Variants in POLR2B observed in about 807,000 individuals in gnomAD.
The protein encoded by POLR2B is RNA polymerase II subunit B.
In POLR2B, 57 loss-of-function variants were observed where a neutral mutation model predicts 144.6. The observed-to-expected ratio is 0.39, with a 90% CI of 0.32 to 0.49. The LOEUF (loss-of-function observed/expected upper bound fraction) is 0.49, where lower values mean the gene tolerates loss of function less well. Among genes scored for constraint, POLR2B ranks in the 20% least tolerant of loss-of-function variants. The pLI, the probability that POLR2B is intolerant of heterozygous loss-of-function variation, is 0.83. For synonymous variants in POLR2B, 442 were observed against 469.8 expected, an observed-to-expected ratio of 0.94 and a Z score of 0.77; for missense variants, 595 against 1,467.4, an observed-to-expected ratio of 0.41 and a Z score of 9.71.
intron 10 of POLR2B, chr4:57,009,483 C>T (rs1723123816): frequency 6.6e-6 from 1 of 152,204 alleles, no homozygotes; most frequent in African/African-American, 2.4e-5. Context: ...GTTAATAATT[C>T]TGGCAAGTGA....
At chr4:57,014,147 T>G (rs919073780) in intron 13 of POLR2B, among the ~76,000 whole-genome samples, 6 of 152,204 alleles carry the variant, frequency 3.9e-5, no homozygotes, top group Non-Finnish European at 7.3e-5. Context: ...ACTTGGAACA[T>G]TTTTCTCTTT....
At chr4:56,996,260 GTGTATA>G (rs1454200249) in intron 6 of POLR2B, among the ~76,000 whole-genome samples, 8 of 71,914 alleles carry the variant, frequency 1.1e-4, no homozygotes, top group African/African-American at 5.1e-4. Context: ...GTGTGTGTGT[GTGTATA>G]TATATATATA....
rs1434323992 is a variant in POLR2B at position 57,023,377 on chromosome 4, G to A, written c.2563G>A (p.Ala855Thr). The change falls in exon 19 of 25, where the codon GCT becomes ACT. Residue 855 changes from alanine to threonine, a missense_variant. Around this residue, in one of 9 missense-constraint regions of POLR2B, gnomAD observed 75 missense variants for 100.0 expected, o/e 0.75. Transcript: ENST00000314595. This position sits in a 1 kb window ranked among gnomAD's most constrained non-coding sequence, Gnocchi z 4.3. ...CAAGCTGGATGATGATGGTTTGATA[G>A]CTCCAGGGGTTCGTGTATCAGGAGA... is the stretch of plus-strand genomic sequence containing the variant. ...YDKLDDDGLI[A>T]PGVRVSGDDV... The A allele has an allele frequency of 1.2e-6, 2 of 1,613,816 alleles. No homozygotes were observed. The highest frequency in any genetic ancestry group is 1.7e-6 in the Non-Finnish European group (2 of 1,179,744).
At chr4:56,982,509 G>T (rs1203186236) in intron 1 of POLR2B, among the ~76,000 whole-genome samples, 1 of 151,600 alleles carries the variant, frequency 6.6e-6, no homozygotes, top group Non-Finnish European at 1.5e-5. Context: ...AGAATTTGAG[G>T]CTACAGTGAG....
Position 56,994,276 on chromosome 4 carries a change from A to G in POLR2B, c.244-128A>G, listed in dbSNP as rs576696671. On this transcript the variant is annotated intron_variant, in intron 3 of 24. Transcript: ENST00000314595. ...CTTTGGGAAGTCCCCATTTCAGTAAAATGGATTAATTTTGCCAGTTTGTAG... is the reference window on the plus strand; with the variant it reads ...CTTTGGGAAGTCCCCATTTCAGTAAGATGGATTAATTTTGCCAGTTTGTAG... 1.1e-3 allele frequency: 693 copies of G among 605,560 alleles called. 1 individual carries two copies. The Middle Eastern group carries it at 0.014, about 12-fold the overall frequency. The allele number at this position is 605,560 out of a possible 1,614,324, so 37.5% of individuals were successfully genotyped here. A position where few individuals can be genotyped will look rare whatever the true frequency, so the allele number is the denominator to read the frequency against.
At chr4:56,981,804 T>C (rs1722164124) in intron 1 of POLR2B, among the ~76,000 whole-genome samples, 1 of 152,266 alleles carries the variant, frequency 6.6e-6, no homozygotes, top group African/African-American at 2.4e-5. Flanking sequence ...TTTTCATCTT[T>C]CATGTGCTTT....
At chr4:57,026,260 G>T (rs1354147641) in intron 23 of POLR2B, among the ~76,000 whole-genome samples, 2 of 151,580 alleles carry the variant, frequency 1.3e-5, no homozygotes, top group Non-Finnish European at 2.9e-5. Flanking sequence ...AAAAAATTTT[G>T]TAGAGACGGG....
At chr4:56,979,101 C>T (rs986943194) in intron 1 of POLR2B, 97 bp downstream of exon 1, 4 of 1,266,412 alleles carry the variant, frequency 3.2e-6, no homozygotes, top group South Asian at 2.4e-5. Context: ...TCCCATGCGC[C>T]GGCTGCACAG....
intron 6 of POLR2B, 62 bp from the exon 7 acceptor site, chr4:56,999,555 G>A: frequency 2.8e-6 from 3 of 1,053,310 alleles, no homozygotes; most frequent in Non-Finnish European, 4.2e-6. Context: ...AGTTCTCTTG[G>A]TGTTTTTATA....
intron 6 of POLR2B, 112 bp from the exon 7 acceptor site, chr4:56,999,505 T>G (rs1578569027): frequency 1.6e-6 from 1 of 622,312 alleles, no homozygotes; most frequent in Admixed American, 3.7e-5. Context: ...GGAGGCGTGC[T>G]TCTTTTGAAA....
At chr4:57,004,329 A>G (rs1560477556) in intron 7 of POLR2B, among the ~76,000 whole-genome samples, 1 of 148,378 alleles carries the variant, frequency 6.7e-6, no homozygotes, top group Non-Finnish European at 1.5e-5. Context: ...GATTATAGGC[A>G]TGAGCCTCCA....
At chr4:57,025,333 G>C (rs1314469796) in intron 22 of POLR2B, 44 bp from the exon 23 acceptor site, 2 of 1,454,024 alleles carry the variant, frequency 1.4e-6, no homozygotes, top group East Asian at 2.3e-5. Flanking sequence ...CTTTGACGTT[G>C]TTTAATTTTT....
chr4:57,001,038 A>C (rs765980326), intron 7 of POLR2B, among the ~76,000 whole-genome samples: 14 of 152,232 alleles, frequency 9.2e-5, no homozygotes, highest in Non-Finnish European at 1.6e-4. Context: ...ATTGAAAACT[A>C]TTAAGTAATA....
chr4:56,990,942 GTT>G (rs1283115195), intron 3 of POLR2B, 44 bp downstream of exon 3: 5 of 1,534,512 alleles, frequency 3.3e-6, no homozygotes, highest in Non-Finnish European at 3.5e-6. Context: ...AAGCGTATTG[GTT>G]TGAAATTTTA....
In POLR2B at chr4:56,990,600, C is replaced by G. The variant is rs1578559978; in HGVS notation, c.93-148C>G. The G allele has an allele frequency of 6.3e-6, 4 of 633,224 alleles. No homozygotes were observed. The East Asian group carries it at 1.1e-4, about 17-fold the overall frequency. The allele number at this position is 633,224 out of a possible 1,614,324, so 39.2% of individuals were successfully genotyped here. ...CGGTTTCATCCTTTTTAAGATACCT[C>G]ATAGTGTCTTGTTTAGTGGTTGACA... On this transcript the variant is annotated intron_variant, in intron 2 of 24. Transcript: ENST00000314595.
intron 2 of POLR2B, 53 bp from the exon 3 acceptor site, chr4:56,990,695 A>G: frequency 1.4e-6 from 2 of 1,449,546 alleles, no homozygotes; most frequent in Admixed American, 2.1e-5. Flanking sequence ...ATGGGGAATT[A>G]TGCTAGAAAT....
At chr4:57,002,145 A>T (rs1311634529) in intron 7 of POLR2B, among the ~76,000 whole-genome samples, 1 of 152,122 alleles carries the variant, frequency 6.6e-6, no homozygotes, top group Non-Finnish European at 1.5e-5. Flanking sequence ...CTCCCACCTC[A>T]GCCTCCTGAG....
chr4:57,007,921 C>T (rs1477546537), intron 10 of POLR2B, among the ~76,000 whole-genome samples: 2 of 152,176 alleles, frequency 1.3e-5, no homozygotes, highest in Non-Finnish European at 2.9e-5. Flanking sequence ...CATTCGGACA[C>T]CAATTTCAAG....
intron 13 of POLR2B, among the ~76,000 whole-genome samples, chr4:57,014,671 T>G (rs1196838385): frequency 2.4e-4 from 36 of 151,384 alleles, no homozygotes; most frequent in Admixed American, 2.4e-3. Context: ...CCTGGCTAAT[T>G]TTTTTTGTAT....
Sources: allele counts gnomAD v4.1 joint callset (sites outside exome capture counted in the v4.1 genomes callset), GRCh38; gene constraint gnomAD v4.1.1; regional missense constraint gnomAD v4.1.1; non-coding constraint Gnocchi (gnomAD v3.1); transcripts MANE v1.5; gene names NCBI Gene and HGNC (gene_info 2026-07-23, HGNC 2026-07-21).